BIRC6: variants seen among roughly 807,000 people sequenced by gnomAD.
The protein encoded by BIRC6 is baculoviral IAP repeat containing 6.
BIRC6 carries 98 observed loss-of-function variants against 503.3 expected under a neutral mutation model. The ratio of observed to expected loss-of-function variants is 0.19; its 90% confidence interval spans 0.17 to 0.23. The LOEUF (loss-of-function observed/expected upper bound fraction) is 0.23. Ranked by LOEUF, BIRC6 falls within the 10% of genes least tolerant of loss-of-function variation. BIRC6 has a pLI of 1.00. For missense variants in BIRC6, 5,360 were observed against 5,806.0 expected (o/e 0.92, Z 2.50); for synonymous variants, 2,240 against 2,078.7 (o/e 1.08, Z -2.11).
intron 1 of BIRC6, among the ~76,000 whole-genome samples, chr2:32,370,938 A>G (rs1210333592): frequency 6.6e-6 from 1 of 152,164 alleles, no homozygotes; most frequent in African/African-American, 2.4e-5. Context: ...CAAGTTTTTT[A>G]GGGTTGTACA....
At chr2:32,611,337 A>G (rs2062862112) in intron 72 of BIRC6, 111 bp from the exon 73 acceptor site, 5 of 607,000 alleles carry the variant, frequency 8.2e-6, no homozygotes, top group Non-Finnish European at 9.4e-6. Context: ...TTTATAGAAT[A>G]AATTATTTAA....
chr2:32,510,133 T>G, intron 52 of BIRC6, 139 bp downstream of exon 52: 1 of 1,065,506 alleles, frequency 9.4e-7, no homozygotes, highest in Non-Finnish European at 1.3e-6. Context: ...TCTTCTCTGA[T>G]GGAGTCTCAC....
chr2:32,467,402 C>T (rs2048674025), intron 26 of BIRC6, 123 bp from the exon 27 acceptor site: 2 of 772,416 alleles, frequency 2.6e-6, no homozygotes, highest in Non-Finnish European at 4.1e-6. Flanking sequence ...ATTTACTTTT[C>T]CTCTTATTTA....
At chr2:32,489,272 A>T (rs1378724416) in intron 42 of BIRC6, among the ~76,000 whole-genome samples, 1 of 152,090 alleles carries the variant, frequency 6.6e-6, no homozygotes, top group Admixed American at 6.6e-5. Flanking sequence ...CTTTCTCTCT[A>T]TAGTGAGGCA....
chr2:32,615,083 C>T (rs910002606), intron 73 of BIRC6, among the ~76,000 whole-genome samples: 5 of 152,108 alleles, frequency 3.3e-5, no homozygotes, highest in Non-Finnish European at 7.4e-5. Context: ...ATCACGAAGG[C>T]GTAGGGGTGT....
chr2:32,365,552 C>G (rs964744170), intron 1 of BIRC6, among the ~76,000 whole-genome samples: 4 of 152,134 alleles, frequency 2.6e-5, no homozygotes, highest in Admixed American at 2.6e-4. Context: ...AACTCCTGAC[C>G]TTGTGATCCA....
rs780918011 is a variant in BIRC6, at chr2:32,503,197, C to T, written c.9460C>T (p.Pro3154Ser). ...GAAAACAAGAATACTAGCTTCTGAG[C>T]CTGACAATGCTGAAGGGATTCATAA... ...TLKTRILASE[P>S]DNAEGIHNFA... Residue 3154 changes from proline (P) to serine (S), a missense_variant, in exon 49 of 74, where the codon CCT (proline) becomes TCT (serine). Pro to Ser is a moderately conservative substitution (Grantham distance 74). Transcript: ENST00000421745. 6 of 1,612,150 alleles carry T rather than the reference C, an allele frequency of 3.7e-6. 1 individual carries two copies. In the East Asian group the frequency reaches 1.3e-4, roughly 36 times the overall value.
intron 65 of BIRC6, among the ~76,000 whole-genome samples, chr2:32,551,375 C>G (rs970742690): frequency 2.6e-5 from 4 of 152,148 alleles, no homozygotes; most frequent in Non-Finnish European, 4.4e-5. Flanking sequence ...CTCCACCTCT[C>G]AGGTTCAAGC....
chr2:32,472,949 A>G (rs2092332170), intron 32 of BIRC6, 163 bp from the exon 33 acceptor site: 1 of 583,732 alleles, frequency 1.7e-6, no homozygotes, highest in African/African-American at 1.9e-5. Context: ...TCCAGTCTTT[A>G]TAGAATCAGA....
At position 32,571,008 on chromosome 2, in the gene BIRC6, G is replaced by A. The variant is rs140678364; in HGVS notation, c.13145-4148G>A. Among the ~76,000 whole-genome samples, 406 of 151,732 alleles carry A rather than the reference G, an allele frequency of 2.7e-3. 1 individual carries two copies. The highest frequency in any genetic ancestry group is 7.4e-3 in the Admixed American group (112 of 15,198). ...TATTTTTGTGGAGACAGGTTTTCTT[G>A]CTCTTTTGACCTTGCTTGTCTCGAT... On this transcript the variant is annotated intron_variant, in intron 65 of 73. Transcript: ENST00000421745.
At position 32,499,677 on chromosome 2, in the gene BIRC6, G is replaced by A. The variant is rs2052922395; in HGVS notation, c.8599G>A (p.Val2867Met). 6.2e-7 allele frequency: 1 copy of A among 1,613,816 alleles called. No homozygotes were observed. Among genetic ancestry groups the A allele is most frequent in the Non-Finnish European group, 8.5e-7 (1 of 1,179,812 alleles). Reference sequence around the variant, plus strand: ...CGTGATAGAATCGGTTACATTTTTAGTGCACCACTATATCACTTGCTCAGA... The same window carrying A: ...CGTGATAGAATCGGTTACATTTTTAATGCACCACTATATCACTTGCTCAGA... ...SAVIESVTFL[V>M]HHYITCSDKV... The change falls in exon 46 of 74, where the codon GTG becomes ATG. Residue 2867 changes from valine (V) to methionine (M), a missense_variant. Transcript: ENST00000421745.
intron 6 of BIRC6, among the ~76,000 whole-genome samples, chr2:32,397,795 A>G (rs2040136284): frequency 6.6e-6 from 1 of 152,120 alleles, no homozygotes; most frequent in Non-Finnish European, 1.5e-5. Flanking sequence ...CTGAAAAGTT[A>G]TACAGTATTA....
chr2:32,494,352 C>G (rs550708655), intron 45 of BIRC6, among the ~76,000 whole-genome samples: 89 of 151,920 alleles, frequency 5.9e-4, no homozygotes, highest in Non-Finnish European at 5.0e-4. Context: ...CTCAGCCTCC[C>G]CAGTAGCTGG....
chr2:32,364,836 T>A (rs532643354), intron 1 of BIRC6, among the ~76,000 whole-genome samples: 3 of 149,662 alleles, frequency 2.0e-5, no homozygotes, highest in Non-Finnish European at 4.4e-5. Context: ...CTCTGAGAGG[T>A]CATGGTGCCT....
chr2:32,435,938 C>A, intron 14 of BIRC6, 115 bp from the exon 15 acceptor site: 1 of 588,208 alleles, frequency 1.7e-6, no homozygotes, highest in Non-Finnish European at 2.6e-6. Flanking sequence ...TTAACACATT[C>A]TAAGTATGAT....
Position 32,477,509 on chromosome 2 carries a change from G to A in BIRC6, c.6994G>A (p.Val2332Ile), listed in dbSNP as rs368256236. 1.9e-6 allele frequency: 3 copies of A among 1,613,808 alleles called. No individual in the cohort carries two copies. Among genetic ancestry groups the A allele is most frequent in the Middle Eastern group, 1.6e-4 (1 of 6,084 alleles). Reference sequence around the variant, plus strand: ...GGCCCATGAGCGTTGTATCTCAGTAGTCCAGAAACTTGTTCTGTTTCTTCT... The same window carrying A: ...GGCCCATGAGCGTTGTATCTCAGTAATCCAGAAACTTGTTCTGTTTCTTCT... The part of the protein sequence containing the change: ...TLAHERCISV[V>I]QKLVLFLLSM... Residue 2332 changes from valine (V) to isoleucine (I), a missense_variant, in exon 35 of 74, where the codon GTC becomes ATC. Physicochemically the swap from Val to Ile is conservative, Grantham distance 29. Coordinates refer to ENST00000421745, the MANE Select transcript of BIRC6 (RefSeq NM_016252.4).
intron 45 of BIRC6, among the ~76,000 whole-genome samples, chr2:32,495,387 A>C (rs2052322164): frequency 6.6e-6 from 1 of 152,164 alleles, no homozygotes. Context: ...TGGCCCAAGA[A>C]GAATGTTAGT....
chr2:32,425,145 G>T (rs1382012604), intron 10 of BIRC6, among the ~76,000 whole-genome samples: 1 of 151,444 alleles, frequency 6.6e-6, no homozygotes, highest in Non-Finnish European at 1.5e-5. Flanking sequence ...AGAAATTCAG[G>T]ATTCATATCT....
Position 32,357,171 on chromosome 2 carries a change from G to T in BIRC6, c.10G>T (p.Gly4Cys), listed in dbSNP as rs767313571. Residue 4 changes from glycine to cysteine, a missense_variant, in exon 1 of 74, where the codon GGT (glycine) becomes TGT (cysteine). Transcript: ENST00000421745. This position sits in a 1 kb window ranked among gnomAD's most constrained non-coding sequence, Gnocchi z 4.9. ...TGCCCCCTGGCCCCGGATGGTGACTGGTGGTGGTGCTGCACCTCCCGGGAC... is the reference window on the plus strand; with the variant it reads ...TGCCCCCTGGCCCCGGATGGTGACTTGTGGTGGTGCTGCACCTCCCGGGAC... MVT[G>C]GGAAPPGTVT... The T allele has an allele frequency of 5.9e-6, 9 of 1,524,288 alleles. No individual in the cohort carries two copies. The East Asian group carries it at 2.1e-4, about 36-fold the overall frequency. 94.4% of individuals were successfully genotyped at this position (1,524,288 alleles called of 1,614,324 possible). A position where few individuals can be genotyped will look rare whatever the true frequency, so the allele number is the denominator to read the frequency against.
Sources: gnomAD v4.1 joint callset for allele counts (sites outside exome capture counted in the v4.1 genomes callset) on GRCh38, gnomAD v4.1.1 for gene constraint, Gnocchi (gnomAD v3.1) non-coding constraint, MANE v1.5 for transcripts, NCBI Gene and HGNC (gene_info 2026-07-23, HGNC 2026-07-21) for gene names.